ACYP2: variants seen among roughly 807,000 people sequenced by gnomAD.
The protein encoded by ACYP2 is acylphosphatase-2.
In ACYP2, 12 loss-of-function variants were observed where a neutral mutation model predicts 11.2. That is an observed-to-expected ratio of 1.08 (90% CI 0.69 to 1.74). ACYP2 has a LOEUF of 1.74. Ranked by LOEUF, ACYP2 falls within the 40% of genes most tolerant of loss-of-function variation. The probability of loss-of-function intolerance (pLI) is 0.00; values close to 1 mark genes in which losing one functional copy is unlikely to be tolerated. For missense variants in ACYP2, 134 were observed against 101.9 expected, an observed-to-expected ratio of 1.31 and a Z score of -1.35; for synonymous variants, 43 against 32.2, an observed-to-expected ratio of 1.33 and a Z score of -1.13.
At chr2:54,291,683 T>G (rs1193074564) in intron 6 of ACYP2, among the ~76,000 whole-genome samples, 1 of 152,228 alleles carries the variant, frequency 6.6e-6, no homozygotes, top group African/African-American at 2.4e-5. Context: ...TCCATTTAGC[T>G]GGTGTGAAGA....
chr2:54,129,342 A>G (rs1680753567), intron 4 of ACYP2, among the ~76,000 whole-genome samples: 1 of 152,140 alleles, frequency 6.6e-6, no homozygotes. Flanking sequence ...TTTGTTGCCC[A>G]GGCTGATCTC....
chr2:54,135,200 A>G (rs1681150356), intron 4 of ACYP2, among the ~76,000 whole-genome samples: 1 of 151,160 alleles, frequency 6.6e-6, no homozygotes, highest in South Asian at 2.1e-4. Context: ...ACAAAGGGAT[A>G]ATTCATGGGT....
chr2:54,199,386 C>T (rs2103903950), intron 6 of ACYP2, among the ~76,000 whole-genome samples: 1 of 152,218 alleles, frequency 6.6e-6, no homozygotes, highest in African/African-American at 2.4e-5. Flanking sequence ...TGCCCAAGAT[C>T]AAAGATTATT....
At chr2:54,054,440 G>T (rs1422120685) in intron 3 of ACYP2, among the ~76,000 whole-genome samples, 2 of 152,202 alleles carry the variant, frequency 1.3e-5, no homozygotes. Context: ...CGAAGTCCTT[G>T]TGATATTCTG....
intron 2 of ACYP2, among the ~76,000 whole-genome samples, chr2:54,018,371 A>T (rs1673811176): frequency 6.6e-6 from 1 of 152,240 alleles, no homozygotes; most frequent in African/African-American, 2.4e-5. Flanking sequence ...AGAAAACATC[A>T]AAAGGGAAAA....
intron 6 of ACYP2, among the ~76,000 whole-genome samples, chr2:54,247,236 G>GT (rs1366425976): frequency 6.6e-6 from 1 of 152,076 alleles, no homozygotes; most frequent in Non-Finnish European, 1.5e-5. Flanking sequence ...GACTTCACGT[G>GT]TATTGCTTGG....
chr2:54,071,724 C>T (rs79125214), intron 4 of ACYP2, among the ~76,000 whole-genome samples: 2 of 152,066 alleles, frequency 1.3e-5, no homozygotes, highest in South Asian at 2.1e-4. Context: ...TTAAAAATGA[C>T]GTTAGGCCGG....
chr2:54,092,953 G>C lies in ACYP2; in HGVS notation c.277+35593G>C, dbSNP rs142768367. On this transcript the variant is annotated intron_variant, in intron 4 of 6. Coordinates refer to ENST00000607452, the MANE Select transcript of ACYP2 (RefSeq NM_001320586.2). ...TTATGTGCCCCAGGCTGCATCCAAC[G>C]ACCCATTGATGGTGGGGTACAATCG... Among the ~76,000 whole-genome samples the C allele has an allele frequency of 1.4e-3, 217 of 152,274 alleles. 2 individuals carry two copies. Among genetic ancestry groups the C allele is most frequent in the African/African-American group, 4.6e-3 (193 of 41,536 alleles).
intron 6 of ACYP2, among the ~76,000 whole-genome samples, chr2:54,269,705 T>C (rs1688196094): frequency 6.6e-6 from 1 of 152,214 alleles, no homozygotes; most frequent in South Asian, 2.1e-4. Flanking sequence ...CATCTCTATG[T>C]TGAAAAATGC....
chr2:54,058,877 T>C (rs538888885), intron 4 of ACYP2, among the ~76,000 whole-genome samples: 145 of 152,268 alleles, frequency 9.5e-4, no homozygotes, highest in African/African-American at 3.3e-3. Context: ...GATGTTTATC[T>C]TGGGGCAGAC....
chr2:54,169,413 G>A lies in ACYP2; in HGVS notation c.404+30665G>A, dbSNP rs567929239. The stretch of plus-strand genomic sequence containing the variant: ...ATACACACATGCTCACCTTCGTTTG[G>A]ATCCTACATCAAAAAATGTGATAAA... On this transcript the variant is annotated intron_variant, in intron 6 of 6. Transcript: ENST00000607452. 1.6e-4 allele frequency among the ~76,000 whole-genome samples: 24 copies of A among 152,146 alleles called. 1 individual carries two copies. The South Asian group carries it at 4.8e-3, about 30-fold the overall frequency.
chr2:54,302,110 T>A (rs1573077581), intron 6 of ACYP2, among the ~76,000 whole-genome samples: 1 of 152,186 alleles, frequency 6.6e-6, no homozygotes, highest in Non-Finnish European at 1.5e-5. Context: ...CTCAACTAGG[T>A]CAATACATTG....
intron 4 of ACYP2, among the ~76,000 whole-genome samples, chr2:54,069,519 G>A (rs182792226): frequency 0.089 from 13,593 of 151,992 alleles, 807 homozygotes; most frequent in South Asian, 0.19. Context: ...AAAATTAGCC[G>A]GGCGTGGTGG....
intron 6 of ACYP2, among the ~76,000 whole-genome samples, chr2:54,249,356 C>G (rs1287065466): frequency 6.6e-6 from 1 of 151,592 alleles, no homozygotes; most frequent in Non-Finnish European, 1.5e-5. Flanking sequence ...GTCCTTATTT[C>G]CTACCTCGGT....
chr2:54,214,476 G>A (rs975922455), intron 6 of ACYP2, among the ~76,000 whole-genome samples: 1 of 152,188 alleles, frequency 6.6e-6, no homozygotes, highest in Non-Finnish European at 1.5e-5. Context: ...AGTTATCTCA[G>A]CACCACTTAT....
chr2:54,088,033 C>G (rs1432211060), intron 4 of ACYP2, among the ~76,000 whole-genome samples: 1 of 152,158 alleles, frequency 6.6e-6, no homozygotes, highest in Non-Finnish European at 1.5e-5. Flanking sequence ...GTAAGGGGTA[C>G]TTCCAGTAGA....
intron 4 of ACYP2, among the ~76,000 whole-genome samples, chr2:54,060,147 A>G (rs553711335): frequency 2.1e-4 from 32 of 152,206 alleles, no homozygotes; most frequent in African/African-American, 6.5e-4. Context: ...TTATTTGAGG[A>G]TTTCTTCCCA....
intron 2 of ACYP2, among the ~76,000 whole-genome samples, chr2:53,992,489 G>C (rs1383245456): frequency 6.6e-6 from 1 of 152,216 alleles, no homozygotes; most frequent in Non-Finnish European, 1.5e-5. Flanking sequence ...ACAATGGCTT[G>C]TATCACGGTA....
chr2:54,162,468 A>G (rs1036730766), intron 6 of ACYP2, among the ~76,000 whole-genome samples: 2 of 152,082 alleles, frequency 1.3e-5, no homozygotes, highest in Non-Finnish European at 2.9e-5. Context: ...GTTGTTTTTA[A>G]TGGTATAAGC....
Sources: allele counts gnomAD v4.1 joint callset (sites outside exome capture counted in the v4.1 genomes callset), GRCh38; gene constraint gnomAD v4.1.1; transcripts MANE v1.5; gene names NCBI Gene and HGNC (gene_info 2026-07-23, HGNC 2026-07-21).